The following TNRC6C variants were observed in gnomAD, a reference collection of about 807,000 sequenced individuals.
The protein encoded by TNRC6C is trinucleotide repeat containing adaptor 6C.
In TNRC6C, 20 loss-of-function variants were observed where a neutral mutation model predicts 153.7. That is an observed-to-expected ratio of 0.13 (90% CI 0.09 to 0.19). The LOEUF is 0.19. Among genes scored for constraint, TNRC6C ranks in the 10% least tolerant of loss-of-function variants. TNRC6C has a pLI of 1.00. For synonymous variants in TNRC6C, 811 were observed against 841.4 expected (o/e 0.96, Z 0.63); for missense variants, 1,987 against 2,172.0 (o/e 0.91, Z 1.69).
At chr17:78,022,011 T>C (rs9908840) in intron 1 of TNRC6C, among the ~76,000 whole-genome samples, 14,564 of 152,268 alleles carry the variant, frequency 0.096, 1,887 homozygotes, top group African/African-American at 0.3. Context: ...AGTATCTGGC[T>C]CTTTTCCTGT....
chr17:77,982,335 G>GA (rs140883317), intron 1 of TNRC6C, among the ~76,000 whole-genome samples: 1,672 of 147,110 alleles, frequency 0.011, 36 homozygotes, highest in African/African-American at 0.038. Context: ...TGTAAGAACT[G>GA]AAAAAAAAAA....
intron 1 of TNRC6C, among the ~76,000 whole-genome samples, chr17:78,016,040 C>T (rs902121000): frequency 2.6e-5 from 4 of 152,106 alleles, no homozygotes; most frequent in Admixed American, 2.6e-4. Flanking sequence ...GGACTGGGTG[C>T]GTATAAAATC....
intron 2 of TNRC6C, among the ~76,000 whole-genome samples, chr17:78,043,140 G>A (rs1183271075): frequency 6.6e-6 from 1 of 152,160 alleles, no homozygotes; most frequent in African/African-American, 2.4e-5. Context: ...TGGAAAAAAA[G>A]GAAAAAAGAA....
At chr17:78,006,528 CT>C (rs2071506438) in intron 1 of TNRC6C, among the ~76,000 whole-genome samples, 1 of 140,132 alleles carries the variant, frequency 7.1e-6, no homozygotes, top group Non-Finnish European at 1.5e-5. Context: ...TCTTCTTCTT[CT>C]TCTTCTTCTT....
At chr17:78,092,815 G>A (rs2073416867) in intron 14 of TNRC6C, 118 bp from the exon 17 acceptor site, 2 of 731,812 alleles carry the variant, frequency 2.7e-6, no homozygotes, top group East Asian at 5.4e-5. Flanking sequence ...TCATGTAACT[G>A]AATAGGGCAA....
chr17:78,012,913 G>A (rs2143404805), intron 1 of TNRC6C, among the ~76,000 whole-genome samples: 1 of 152,248 alleles, frequency 6.6e-6, no homozygotes, highest in South Asian at 2.1e-4. Context: ...AAGATAACTT[G>A]TTTTTAAAAG....
chr17:78,030,378 G>A (rs1229728013), intron 1 of TNRC6C, among the ~76,000 whole-genome samples: 1 of 152,018 alleles, frequency 6.6e-6, no homozygotes, highest in Non-Finnish European at 1.5e-5. Context: ...TGGCCAGGCT[G>A]GTCTCGAACT....
At chr17:77,989,568 A>G (rs1412835296) in intron 1 of TNRC6C, among the ~76,000 whole-genome samples, 1 of 152,210 alleles carries the variant, frequency 6.6e-6, no homozygotes. Context: ...TTTTCTTCAT[A>G]GTACTTAGGA....
chr17:78,021,348 T>C (rs1162953452), intron 1 of TNRC6C, among the ~76,000 whole-genome samples: 3 of 152,250 alleles, frequency 2.0e-5, no homozygotes, highest in Non-Finnish European at 4.4e-5. Flanking sequence ...GGGCCACGCA[T>C]TCAGACAAGC....
At chr17:78,094,306 T>A (rs2073444219) in intron 16 of TNRC6C, among the ~76,000 whole-genome samples, 1 of 152,156 alleles carries the variant, frequency 6.6e-6, no homozygotes, top group Non-Finnish European at 1.5e-5. Context: ...GCATGCTATT[T>A]TGTGGAAGGA....
upstream of TNRC6C, among the ~76,000 whole-genome samples, chr17:77,999,211 T>G (rs2071374658): frequency 6.6e-6 from 1 of 152,266 alleles, no homozygotes; most frequent in Non-Finnish European, 1.5e-5. Flanking sequence ...CTGACTCTCC[T>G]GGGATACGTC....
intron 1 of TNRC6C, among the ~76,000 whole-genome samples, chr17:77,965,180 C>T (rs889916100): frequency 1.3e-5 from 2 of 152,176 alleles, no homozygotes; most frequent in Non-Finnish European, 2.9e-5. Context: ...TCCACAAGAT[C>T]CTATAGCTTA....
intron 1 of TNRC6C, among the ~76,000 whole-genome samples, chr17:77,961,750 G>A (rs988220203): frequency 3.9e-5 from 6 of 152,216 alleles, no homozygotes; most frequent in Non-Finnish European, 7.3e-5. Context: ...TGCTGATTGT[G>A]AAGGTAGAGT....
intron 3 of TNRC6C, among the ~76,000 whole-genome samples, chr17:78,053,096 C>T (rs752684849): frequency 5.3e-5 from 8 of 152,266 alleles, no homozygotes; most frequent in Non-Finnish European, 1.2e-4. Context: ...CACGTTGCCC[C>T]CCGACCCCTG....
At chr17:78,035,575 G>A (rs149582797) in intron 2 of TNRC6C, among the ~76,000 whole-genome samples, 1 of 152,148 alleles carries the variant, frequency 6.6e-6, no homozygotes, top group Non-Finnish European at 1.5e-5. Flanking sequence ...CAGGCTGAGG[G>A]AGAAGGATCG....
chr17:78,082,994 G>T, intron 10 of TNRC6C, 53 bp from the exon 13 acceptor site: 1 of 1,595,316 alleles, frequency 6.3e-7, no homozygotes. Flanking sequence ...ACAGGTACAA[G>T]TAACTATTTT....
intron 1 of TNRC6C, among the ~76,000 whole-genome samples, chr17:77,987,266 G>T: frequency 6.6e-6 from 1 of 152,166 alleles, no homozygotes; most frequent in East Asian, 1.9e-4. Context: ...TTCATTAATA[G>T]TCAAAGAATT....
intron 1 of TNRC6C, among the ~76,000 whole-genome samples, chr17:77,962,289 C>T (rs533722728): frequency 6.6e-6 from 1 of 152,292 alleles, no homozygotes; most frequent in Admixed American, 6.5e-5. Flanking sequence ...TTTTGGCCTT[C>T]CCCAATAGGA....
At chr17:77,991,853 G>A (rs539118402) in intron 1 of TNRC6C, among the ~76,000 whole-genome samples, 52 of 152,302 alleles carry the variant, frequency 3.4e-4, no homozygotes, top group African/African-American at 1.1e-3. Flanking sequence ...GATACAGCGT[G>A]GTATGGATGC....
Sources: gnomAD v4.1 joint callset for allele counts (sites outside exome capture counted in the v4.1 genomes callset) on GRCh38, gnomAD v4.1.1 for gene constraint, MANE v1.5 for transcripts, NCBI Gene and HGNC (gene_info 2026-07-23, HGNC 2026-07-21) for gene names.